The following CALD1 variants were observed in gnomAD, a reference collection of about 807,000 sequenced individuals.
CALD1 encodes caldesmon.
In CALD1, 33 loss-of-function variants were observed where a neutral mutation model predicts 99.9. The ratio of observed to expected loss-of-function variants is 0.33; its 90% CI spans 0.25 to 0.44. The LOEUF (loss-of-function observed/expected upper bound fraction) is 0.44. Among genes scored for constraint, CALD1 ranks in the 20% least tolerant of loss-of-function variants. The pLI, the probability that CALD1 is intolerant of heterozygous loss-of-function variation, is 1.00. For synonymous variants in CALD1, 310 were observed against 325.0 expected (o/e 0.95, Z 0.50); for missense variants, 861 against 962.1 (o/e 0.89, Z 1.39).
chr7:134,771,681 C>A (rs929444390), intron 1 of CALD1, among the ~76,000 whole-genome samples: 4 of 152,162 alleles, frequency 2.6e-5, no homozygotes, highest in Admixed American at 6.5e-5. Context: ...ACAAGCCCCG[C>A]AGTACTTACC....
At chr7:134,781,522 T>G (rs187647442) in intron 1 of CALD1, among the ~76,000 whole-genome samples, 120 of 152,344 alleles carry the variant, frequency 7.9e-4, no homozygotes, top group Admixed American at 2.2e-3. Flanking sequence ...ATGCTGAATT[T>G]TAGGCAGTTC....
chr7:134,821,475 A>G (rs796554831), intron 1 of CALD1, among the ~76,000 whole-genome samples: 10 of 152,168 alleles, frequency 6.6e-5, no homozygotes, highest in African/African-American at 2.4e-4. Context: ...GATATCCAGA[A>G]TTTTGTTCAC....
intron 3 of CALD1, among the ~76,000 whole-genome samples, chr7:134,877,245 G>C (rs1801395131): frequency 1.3e-5 from 2 of 152,110 alleles, no homozygotes; most frequent in Admixed American, 1.3e-4. Flanking sequence ...GGGTATCACT[G>C]AACAAGGTAC....
chr7:134,953,364 T>G (rs988919823), intron 9 of CALD1, among the ~76,000 whole-genome samples: 1 of 152,012 alleles, frequency 6.6e-6, no homozygotes, highest in African/African-American at 2.4e-5. Context: ...CTGTAATCCC[T>G]ACTCAGGAGC....
chr7:134,743,395 A>G (rs141981569), upstream of CALD1, among the ~76,000 whole-genome samples: 65 of 152,334 alleles, frequency 4.3e-4, 2 homozygotes, highest in African/African-American at 1.5e-3. Flanking sequence ...TTATATTTCT[A>G]AAATCGAGCC....
intron 3 of CALD1, among the ~76,000 whole-genome samples, chr7:134,869,897 CA>C (rs1387286301): frequency 6.6e-6 from 1 of 151,962 alleles, no homozygotes; most frequent in African/African-American, 2.4e-5. Context: ...GACAACGTAC[CA>C]GGGAGATGGG....
the CALD1 span, among the ~76,000 whole-genome samples, chr7:134,738,131 C>T: frequency 2.0e-5 from 3 of 152,128 alleles, no homozygotes; most frequent in Non-Finnish European, 4.4e-5. Flanking sequence ...CCACCCCCAT[C>T]TTGTTCAGGC....
At chr7:134,712,424 C>G in the CALD1 span, among the ~76,000 whole-genome samples, 1 of 152,248 alleles carries the variant, frequency 6.6e-6, no homozygotes, top group Non-Finnish European at 1.5e-5. Flanking sequence ...TAATTACATC[C>G]CGGCCACCAG....
At chr7:134,827,997 G>T (rs1799071216) in intron 1 of CALD1, among the ~76,000 whole-genome samples, 1 of 152,152 alleles carries the variant, frequency 6.6e-6, no homozygotes, top group Non-Finnish European at 1.5e-5. Context: ...TCTGGCTTTT[G>T]TTACTGCATA....
At chr7:134,768,592 G>A (rs1252716098) in intron 1 of CALD1, among the ~76,000 whole-genome samples, 2 of 152,072 alleles carry the variant, frequency 1.3e-5, no homozygotes, top group Non-Finnish European at 2.9e-5. Context: ...GGCTTTTCCC[G>A]ATGTCATAGG....
chr7:134,895,759 C>T (rs1248008176), intron 3 of CALD1, among the ~76,000 whole-genome samples: 1 of 152,214 alleles, frequency 6.6e-6, no homozygotes, highest in African/African-American at 2.4e-5. Flanking sequence ...ATATAGTGAA[C>T]TTCCAGTTTC....
intron 3 of CALD1, among the ~76,000 whole-genome samples, chr7:134,896,790 T>C (rs561293983): frequency 1.8e-4 from 27 of 152,310 alleles, no homozygotes; most frequent in African/African-American, 6.0e-4. Flanking sequence ...GGCCTAACAG[T>C]GGCAAGAGGA....
intron 1 of CALD1, among the ~76,000 whole-genome samples, chr7:134,789,031 T>TAAAAAAAAAAAAA (rs35315682): frequency 3.4e-5 from 4 of 116,808 alleles, no homozygotes; most frequent in Non-Finnish European, 3.4e-5. Flanking sequence ...AAACAAAAAG[T>TAAAAAAAAAAAAA]AAAAAAAAAA....
chr7:134,877,829 T>C (rs1034477775), intron 3 of CALD1, among the ~76,000 whole-genome samples: 1 of 152,214 alleles, frequency 6.6e-6, no homozygotes, highest in Non-Finnish European at 1.5e-5. Flanking sequence ...TATATATAAA[T>C]ATTGTAATAA....
chr7:134,828,065 TCA>T (rs994549831), intron 1 of CALD1, among the ~76,000 whole-genome samples: 44 of 152,350 alleles, frequency 2.9e-4, no homozygotes, highest in African/African-American at 9.1e-4. Flanking sequence ...TGAACTGAAA[TCA>T]CACTATGTCT....
rs557699466 is a variant in CALD1, at chr7:134,781,218, T to C, written c.-130+1469T>C. 1.5e-4 allele frequency among the ~76,000 whole-genome samples: 23 copies of C among 152,334 alleles called. No homozygotes were observed. In the South Asian group the frequency reaches 4.1e-3, roughly 27 times the overall value. ...AACTATTTTCACAGTGTTTTTAATGTCAATCAAAATATGGAGAGCAATTTT... is the reference window on the plus strand; with the variant it reads ...AACTATTTTCACAGTGTTTTTAATGCCAATCAAAATATGGAGAGCAATTTT... On this transcript the variant is annotated intron_variant, in intron 1 of 14. Transcript: ENST00000361675.
rs746947014 is a variant in CALD1 at position 134,928,775 on chromosome 7, C to T, written c.93C>T (p.Asp31=). 17 of 1,613,600 alleles carry T rather than the reference C, an allele frequency of 1.1e-5. No homozygotes were observed. The Admixed American group carries it at 1.3e-4, about 13-fold the overall frequency. ...GCAGAATCGCCTACCAGAGGAATGA[C>T]GATGATGAAGAGGAGGCAGCCCGGG... ...EAERIAYQRN[D]DDEEEAARER... Residue 31 remains aspartate (D), a synonymous_variant, in exon 4 of 15, where the codon GAC becomes GAT. Coordinates refer to ENST00000361675, the MANE Select transcript of CALD1 (RefSeq NM_033138.4).
Position 134,959,986 on chromosome 7 carries a change from G to T in CALD1, c.2074G>T (p.Ala692Ser), listed in dbSNP as rs756255320. 1.2e-6 allele frequency: 2 copies of T among 1,613,420 alleles called. No individual in the cohort carries two copies. Among genetic ancestry groups the T allele is most frequent in the East Asian group, 4.5e-5 (2 of 44,876 alleles). ...TCACAAATTTCAGGGAACAAAAAGC[G>T]CAAAACCTACAAAGCCGGCAGCCTC... ...YTSAIEGTKSAKPTKPAASDL... is the reference protein window; with the variant it reads ...YTSAIEGTKSSKPTKPAASDL... Residue 692 changes from alanine to serine, a missense_variant, in exon 12 of 15, where the codon GCA becomes TCA. Physicochemically the swap from Ala to Ser is moderately conservative, Grantham distance 99 (BLOSUM62 1). This residue lies in a region of CALD1 where 190 missense variants were observed against 249.0 expected (regional missense o/e 0.76). Transcript: ENST00000361675.
At chr7:134,859,374 G>A (rs1288388372) in intron 2 of CALD1, among the ~76,000 whole-genome samples, 2 of 152,158 alleles carry the variant, frequency 1.3e-5, no homozygotes, top group Non-Finnish European at 2.9e-5. Context: ...TAGGGTTTAC[G>A]CTTGTGTCAT....
Sources: allele counts gnomAD v4.1 joint callset (sites outside exome capture counted in the v4.1 genomes callset), GRCh38; gene constraint gnomAD v4.1.1; regional missense constraint gnomAD v4.1.1; transcripts MANE v1.5; gene names NCBI Gene and HGNC (gene_info 2026-07-23, HGNC 2026-07-21).